Variants in PPFIA2 observed in about 807,000 individuals in gnomAD.
PPFIA2 encodes the protein PPFI scaffold protein A2.
PPFIA2 carries 46 observed loss-of-function variants against 175.5 expected under a neutral mutation model. The ratio of observed to expected loss-of-function variants is 0.26; its 90% CI spans 0.21 to 0.34. The LOEUF (loss-of-function observed/expected upper bound fraction) is 0.34, where lower values mean the gene tolerates loss of function less well. Among genes scored for constraint, PPFIA2 ranks in the 10% least tolerant of loss-of-function variants. PPFIA2 has a pLI of 1.00. For synonymous variants in PPFIA2, 568 were observed against 511.4 expected, an observed-to-expected ratio of 1.11 and a Z score of -1.49; for missense variants, 1,179 against 1,506.1, an observed-to-expected ratio of 0.78 and a Z score of 3.60.
chr12:81,711,651 A>G (rs984165611), intron 3 of PPFIA2, among the ~76,000 whole-genome samples: 1 of 151,342 alleles, frequency 6.6e-6, no homozygotes, highest in Admixed American at 6.8e-5. Flanking sequence ...GAATGAATAC[A>G]AATAAGAATG....
intron 4 of PPFIA2, among the ~76,000 whole-genome samples, chr12:81,521,204 G>GAA (rs78463729): frequency 4.3e-5 from 6 of 138,650 alleles, no homozygotes; most frequent in East Asian, 2.1e-4. Context: ...GGAATCACGA[G>GAA]AAAAAAAAAA....
At chr12:81,594,900 G>T (rs1012079017) in intron 4 of PPFIA2, among the ~76,000 whole-genome samples, 1 of 152,058 alleles carries the variant, frequency 6.6e-6, no homozygotes. Context: ...GCAACAGAGC[G>T]AGATGCTGTC....
chr12:81,469,285 A>G (rs939149902), intron 4 of PPFIA2, among the ~76,000 whole-genome samples: 4 of 152,176 alleles, frequency 2.6e-5, no homozygotes. Context: ...TTACTCGACA[A>G]AATTTTATTG....
At chr12:81,589,093 A>G (rs2153439709) in intron 4 of PPFIA2, among the ~76,000 whole-genome samples, 1 of 152,224 alleles carries the variant, frequency 6.6e-6, no homozygotes, top group South Asian at 2.1e-4. Context: ...CTTAATTTGT[A>G]ATAAAATTCA....
intron 7 of PPFIA2, among the ~76,000 whole-genome samples, chr12:81,410,165 C>T (rs1357073733): frequency 5.9e-5 from 9 of 152,220 alleles, no homozygotes; most frequent in African/African-American, 1.9e-4. Context: ...GTTGGACTTT[C>T]CTGTCTCCAC....
chr12:81,567,159 T>G (rs1437353786), intron 4 of PPFIA2, among the ~76,000 whole-genome samples: 1 of 152,198 alleles, frequency 6.6e-6, no homozygotes, highest in African/African-American at 2.4e-5. Flanking sequence ...GCCATTTTCC[T>G]GCCTCGGCCT....
At chr12:81,610,997 T>C (rs769037160) in intron 4 of PPFIA2, among the ~76,000 whole-genome samples, 13 of 152,184 alleles carry the variant, frequency 8.5e-5, no homozygotes, top group South Asian at 4.1e-4. Flanking sequence ...AGGATAATTG[T>C]TGATGCTGTA....
intron 7 of PPFIA2, among the ~76,000 whole-genome samples, chr12:81,429,506 ATAGAG>A (rs1247953194): frequency 1.3e-5 from 2 of 152,120 alleles, no homozygotes; most frequent in African/African-American, 2.4e-5. Flanking sequence ...AAATTCCTTA[ATAGAG>A]TATTGTTCAG....
At chr12:81,477,098 T>C (rs1314425124) in intron 4 of PPFIA2, among the ~76,000 whole-genome samples, 2 of 151,914 alleles carry the variant, frequency 1.3e-5, no homozygotes, top group Non-Finnish European at 2.9e-5. Flanking sequence ...AAATAGCTAA[T>C]GTATGCTGTG....
intron 3 of PPFIA2, among the ~76,000 whole-genome samples, chr12:81,698,454 C>A (rs1002984816): frequency 6.6e-6 from 1 of 152,066 alleles, no homozygotes; most frequent in African/African-American, 2.4e-5. Context: ...GACCCCTTGA[C>A]TTTGGATTTC....
chr12:81,579,619 T>C (rs1322671911), intron 4 of PPFIA2, among the ~76,000 whole-genome samples: 2 of 151,818 alleles, frequency 1.3e-5, no homozygotes. Context: ...ATACATCAAT[T>C]GGAGTTACAA....
At chr12:81,365,908 T>A (rs2033082895) in intron 14 of PPFIA2, among the ~76,000 whole-genome samples, 1 of 151,588 alleles carries the variant, frequency 6.6e-6, no homozygotes, top group African/African-American at 2.4e-5. Flanking sequence ...AAATGTATAA[T>A]TGTTCTCTTT....
intron 27 of PPFIA2, 111 bp from the exon 28 acceptor site, chr12:81,277,525 T>C (rs2040842190): frequency 1.8e-6 from 2 of 1,089,914 alleles, no homozygotes; most frequent in Non-Finnish European, 2.4e-6. Flanking sequence ...GGGCAACAAG[T>C]TAATAAATTA....
intron 4 of PPFIA2, among the ~76,000 whole-genome samples, chr12:81,647,952 G>C (rs374766347): frequency 6.8e-6 from 1 of 146,394 alleles, no homozygotes; most frequent in African/African-American, 2.5e-5. Flanking sequence ...GAGGCTTCTT[G>C]TCAGAAGCAT....
At chr12:81,263,869 CTAATATGAGACACTGTAGCCTATTA>C (rs1347573957) in intron 30 of PPFIA2, among the ~76,000 whole-genome samples, 26 of 152,216 alleles carry the variant, frequency 1.7e-4, no homozygotes, top group South Asian at 4.1e-4. Flanking sequence ...GATGGCATGG[CTAATATGAGACACTGTAGCCTATTA>C]TAATATCTGT....
intron 21 of PPFIA2, among the ~76,000 whole-genome samples, chr12:81,333,839 C>T (rs906731307): frequency 6.6e-6 from 1 of 152,120 alleles, no homozygotes; most frequent in Non-Finnish European, 1.5e-5. Flanking sequence ...TTTGGATGTG[C>T]TGATCAAGAA....
chr12:81,532,883 T>C (rs926095394), intron 4 of PPFIA2, among the ~76,000 whole-genome samples: 3 of 151,802 alleles, frequency 2.0e-5, no homozygotes, highest in African/African-American at 7.2e-5. Flanking sequence ...TCTCAACATA[T>C]TAACTGAAGC....
Position 81,353,243 on chromosome 12 carries a change from CAAT to C in PPFIA2, c.1867_1869del (p.Ile623del). 1 of 1,613,708 alleles carries C rather than the reference CAAT, an allele frequency of 6.2e-7. No individual in the cohort carries two copies. The highest frequency in any genetic ancestry group is 1.1e-5 in the South Asian group (1 of 91,080). ...AAAATTGTTTCTCTGTCATCATCAT[CAAT>C]ATCAGACATTTCAGTGTCACTTTCA... is the stretch of plus-strand genomic sequence containing the variant. On this transcript the variant is annotated inframe_deletion, in exon 17 of 33. Transcript: ENST00000549396.
At chr12:81,720,948 T>C (rs2079238902) in intron 3 of PPFIA2, among the ~76,000 whole-genome samples, 2 of 151,124 alleles carry the variant, frequency 1.3e-5, no homozygotes, top group Admixed American at 6.6e-5. Context: ...TAAATTGAAA[T>C]GTTTGAAATG....
Sources: gnomAD v4.1 joint callset for allele counts (sites outside exome capture counted in the v4.1 genomes callset) on GRCh38, gnomAD v4.1.1 for gene constraint, MANE v1.5 for transcripts, NCBI Gene and HGNC (gene_info 2026-07-23, HGNC 2026-07-21) for gene names.